Variants in LRRC7 observed in about 807,000 individuals in gnomAD.
LRRC7 encodes leucine rich repeat containing 7, also known as leucine-rich repeat-containing protein 7.
In LRRC7, 23 loss-of-function variants were observed where a neutral mutation model predicts 175.7. That is an observed-to-expected ratio of 0.13 (90% CI 0.09 to 0.19). The LOEUF is 0.19. Ranked by LOEUF, LRRC7 falls within the 10% of genes least tolerant of loss-of-function variation. The pLI, the probability that LRRC7 is intolerant of heterozygous loss-of-function variation, is 1.00. For missense variants in LRRC7, 1,354 were observed against 1,904.7 expected, an observed-to-expected ratio of 0.71 and a Z score of 5.38; for synonymous variants, 685 against 680.9, an observed-to-expected ratio of 1.01 and a Z score of -0.09.
Position 70,039,413 on chromosome 1 carries a change from A to G in LRRC7, c.3589A>G (p.Thr1197Ala), listed in dbSNP as rs1659664329. Reference sequence around the variant, plus strand: ...AGGGCTGGATCGCCAAAGCAGCGTTACAGTGACTGAGTCCCAGTTCCTGAA... The same window carrying G: ...AGGGCTGGATCGCCAAAGCAGCGTTGCAGTGACTGAGTCCCAGTTCCTGAA... ...RGGLDRQSSV[T>A]VTESQFLKRN... is the part of the protein sequence containing the mutation. Residue 1197 changes from threonine to alanine, a missense_variant, in exon 21 of 27, where the codon ACA (threonine) becomes GCA (alanine). Thr to Ala is a moderately conservative substitution (Grantham distance 58). Transcript: ENST00000651989. 6.2e-7 allele frequency: 1 copy of G among 1,614,040 alleles called. No individual in the cohort carries two copies. Among genetic ancestry groups the G allele is most frequent in the Non-Finnish European group, 8.5e-7 (1 of 1,180,028 alleles).
At chr1:69,946,842 C>T (rs1224608849) in intron 8 of LRRC7, among the ~76,000 whole-genome samples, 1 of 151,930 alleles carries the variant, frequency 6.6e-6, no homozygotes, top group Non-Finnish European at 1.5e-5. Context: ...CTTTGGGAGG[C>T]TGAGATGGGT....
intron 18 of LRRC7, among the ~76,000 whole-genome samples, chr1:70,033,412 T>G (rs1658975960): frequency 6.6e-6 from 1 of 152,166 alleles, no homozygotes; most frequent in Non-Finnish European, 1.5e-5. Context: ...ATCAGTGCCA[T>G]GTAATTTATG....
rs1667084775 is a variant in LRRC7 at position 70,142,111 on chromosome 1, AC to A, written c.*20225del. The stretch of plus-strand genomic sequence containing the variant: ...GCAAGATGAAACTCTCAGGCAGACA[AC>A]ATAAAGCAGCTCCCATATCTGCTAG... On this transcript the variant is annotated 3_prime_UTR_variant, in exon 27 of 27. Transcript: ENST00000651989. The A allele has an allele frequency of 6.6e-6, 1 of 152,152 alleles. No homozygotes were observed. Among genetic ancestry groups the A allele is most frequent in the Admixed American group, 6.6e-5 (1 of 15,266 alleles). The allele number at this position is 152,152 out of a possible 1,614,324, so 9.4% of individuals were successfully genotyped here.
At chr1:69,919,117 T>A (rs908180257) in intron 7 of LRRC7, among the ~76,000 whole-genome samples, 2 of 152,148 alleles carry the variant, frequency 1.3e-5, no homozygotes, top group African/African-American at 4.8e-5. Flanking sequence ...TAATTTTTTT[T>A]AATACATTGT....
intron 18 of LRRC7, among the ~76,000 whole-genome samples, chr1:70,030,624 T>C (rs1349445204): frequency 6.6e-6 from 1 of 152,178 alleles, no homozygotes; most frequent in African/African-American, 2.4e-5. Flanking sequence ...TTTTGAATCA[T>C]TGTTATTAGT....
At chr1:70,120,176 C>T (rs961265439) in intron 26 of LRRC7, among the ~76,000 whole-genome samples, 6 of 152,146 alleles carry the variant, frequency 3.9e-5, no homozygotes, top group Middle Eastern at 6.8e-3. Context: ...TTTAGTATAA[C>T]GCAGAGCAAG....
At chr1:69,844,621 A>G (rs950672266) in intron 7 of LRRC7, among the ~76,000 whole-genome samples, 1 of 152,118 alleles carries the variant, frequency 6.6e-6, no homozygotes, top group Non-Finnish European at 1.5e-5. Context: ...TATCTTGGCT[A>G]CTGTGAATAA....
chr1:69,904,744 G>T (rs928226601), intron 7 of LRRC7, among the ~76,000 whole-genome samples: 1 of 151,948 alleles, frequency 6.6e-6, no homozygotes, highest in Non-Finnish European at 1.5e-5. Flanking sequence ...TGTCACAGGG[G>T]TTTGATGTAC....
chr1:69,656,984 G>A (rs1346826219), intron 1 of LRRC7, among the ~76,000 whole-genome samples: 1 of 151,754 alleles, frequency 6.6e-6, no homozygotes, highest in Non-Finnish European at 1.5e-5. Context: ...AAGGAAAGGA[G>A]AGGAAAAGGA....
chr1:69,772,168 G>A (rs560799206), intron 3 of LRRC7, among the ~76,000 whole-genome samples: 1 of 152,110 alleles, frequency 6.6e-6, no homozygotes, highest in Non-Finnish European at 1.5e-5. Flanking sequence ...ATAAAATAAA[G>A]GAGGGGAATT....
chr1:69,619,888 G>A (rs1181901064), intron 1 of LRRC7, among the ~76,000 whole-genome samples: 1 of 152,158 alleles, frequency 6.6e-6, no homozygotes, highest in East Asian at 1.9e-4. Context: ...GCAAACCTAT[G>A]TATTAGTAAA....
intron 8 of LRRC7, among the ~76,000 whole-genome samples, chr1:69,958,238 G>A (rs1259575840): frequency 6.6e-6 from 1 of 151,724 alleles, no homozygotes; most frequent in African/African-American, 2.4e-5. Flanking sequence ...TCTCTAATTT[G>A]CTATCTGCCC....
chr1:69,633,520 C>T (rs1323850426), intron 1 of LRRC7, among the ~76,000 whole-genome samples: 1 of 152,048 alleles, frequency 6.6e-6, no homozygotes, highest in African/African-American at 2.4e-5. Flanking sequence ...CCTCTGCCTC[C>T]CAGGTTCAAT....
intron 7 of LRRC7, among the ~76,000 whole-genome samples, chr1:69,870,473 A>G (rs1164041240): frequency 6.6e-6 from 1 of 152,096 alleles, no homozygotes; most frequent in African/African-American, 2.4e-5. Context: ...AGATTGAATT[A>G]AAAAACAGTG....
At chr1:69,623,884 G>A (rs1317551246) in intron 1 of LRRC7, among the ~76,000 whole-genome samples, 2 of 152,040 alleles carry the variant, frequency 1.3e-5, no homozygotes, top group African/African-American at 4.8e-5. Context: ...TTTTTGTATA[G>A]CTTCTATTGT....
chr1:69,746,455 G>T (rs1669263983), intron 2 of LRRC7, among the ~76,000 whole-genome samples: 1 of 151,906 alleles, frequency 6.6e-6, no homozygotes, highest in South Asian at 2.1e-4. Context: ...GTTTTTTAGA[G>T]TATCTAATTT....
chr1:69,908,462 G>T (rs967455270), intron 7 of LRRC7, among the ~76,000 whole-genome samples: 1 of 151,960 alleles, frequency 6.6e-6, no homozygotes, highest in Non-Finnish European at 1.5e-5. Context: ...GGTATGTTGT[G>T]TCTTTGTTCT....
At chr1:69,687,535 A>AG (rs1462730659) in intron 2 of LRRC7, among the ~76,000 whole-genome samples, 17 of 144,948 alleles carry the variant, frequency 1.2e-4, no homozygotes, top group East Asian at 3.9e-4. Flanking sequence ...AAAAAAAAAA[A>AG]AAAGAAAAAA....
At chr1:70,088,809 A>T (rs917974837) in intron 24 of LRRC7, among the ~76,000 whole-genome samples, 4 of 151,990 alleles carry the variant, frequency 2.6e-5, no homozygotes, top group African/African-American at 4.8e-5. Flanking sequence ...TGAGTTCTTG[A>T]TCTACAGTCT....
Sources: gnomAD v4.1 joint callset for allele counts (sites outside exome capture counted in the v4.1 genomes callset) on GRCh38, gnomAD v4.1.1 for gene constraint, MANE v1.5 for transcripts, NCBI Gene and HGNC (gene_info 2026-07-23, HGNC 2026-07-21) for gene names.